CAMKK2: variants seen among roughly 807,000 people sequenced by gnomAD.
The protein encoded by CAMKK2 is calcium/calmodulin dependent protein kinase kinase 2.
Under a neutral mutation model 67.2 loss-of-function variants are expected in CAMKK2, and 30 were observed. The ratio of observed to expected loss-of-function variants is 0.45; its 90% CI spans 0.33 to 0.61. The LOEUF (loss-of-function observed/expected upper bound fraction) is 0.61, where lower values mean the gene tolerates loss of function less well. Among genes scored for constraint, CAMKK2 ranks in the 20% least tolerant of loss-of-function variants. The pLI is 0.02. For missense variants in CAMKK2, 643 were observed against 802.0 expected (o/e 0.80, Z 2.39); for synonymous variants, 322 against 326.2 (o/e 0.99, Z 0.14).
Position 121,253,351 on chromosome 12 carries a change from G to C in CAMKK2, c.1029C>G (p.Leu343=), listed in dbSNP as rs781497110. 18 of 1,614,210 alleles carry C rather than the reference G, an allele frequency of 1.1e-5. No homozygotes were observed. In the South Asian group the frequency reaches 1.9e-4, roughly 17 times the overall value. ...VSNEFKGSDA[L]LSNTVGTPAF... ...CGGGCGTGCCCACGGTGTTGGAGAG[G>C]AGCGCGTCACTGCCCTTGAATTCAT... Residue 343 remains leucine, a synonymous_variant, in exon 10 of 17, where the codon CTC becomes CTG. Coordinates refer to ENST00000404169, the MANE Select transcript of CAMKK2 (RefSeq NM_001270485.2). This position sits in a 1 kb window ranked among gnomAD's most constrained non-coding sequence, Gnocchi z 5.0.
At chr12:121,248,968 C>T (rs1458051668) in intron 13 of CAMKK2, among the ~76,000 whole-genome samples, 1 of 152,240 alleles carries the variant, frequency 6.6e-6, no homozygotes, top group Admixed American at 6.5e-5. Flanking sequence ...ATTCTCCATC[C>T]GGCCCCGGGT....
chr12:121,279,117 T>C (rs555802729), intron 1 of CAMKK2, among the ~76,000 whole-genome samples: 32 of 152,242 alleles, frequency 2.1e-4, no homozygotes, highest in Non-Finnish European at 1.6e-4. Context: ...CACTGAGCCA[T>C]CCGCCCCCAG....
intron 16 of CAMKK2, among the ~76,000 whole-genome samples, chr12:121,241,887 C>T (rs564168337): frequency 2.6e-4 from 39 of 152,322 alleles, no homozygotes; most frequent in African/African-American, 8.7e-4. Flanking sequence ...GTCCAAGACC[C>T]CCAGTGCCTG....
intron 5 of CAMKK2, among the ~76,000 whole-genome samples, chr12:121,265,522 G>A (rs139754484): frequency 5.0e-4 from 76 of 152,262 alleles, no homozygotes; most frequent in African/African-American, 1.7e-3. Context: ...ACATTTGGGA[G>A]AAGAGTAGGT....
chr12:121,271,901 G>A (rs1043414226), intron 2 of CAMKK2, among the ~76,000 whole-genome samples: 1 of 151,870 alleles, frequency 6.6e-6, no homozygotes, highest in Non-Finnish European at 1.5e-5. Context: ...GTAGAGATGG[G>A]GTTTCTCCAT....
At position 121,281,613 on chromosome 12, in the gene CAMKK2, G is replaced by A. The variant is rs571199226; in HGVS notation, c.-59-7028C>T. 1.2e-3 allele frequency among the ~76,000 whole-genome samples: 189 copies of A among 152,310 alleles called. 1 individual carries two copies. Among genetic ancestry groups the A allele is most frequent in the African/African-American group, 4.4e-3 (182 of 41,574 alleles). On this transcript the variant is annotated intron_variant, in intron 1 of 16. Coordinates refer to ENST00000404169, the MANE Select transcript of CAMKK2 (RefSeq NM_001270485.2). ...CAAAACAGATGTGGTTTTTGCCCTC[G>A]AGGGGACTGACAGTCCAATGAGGGG...
chr12:121,240,321 C>T lies in CAMKK2; in HGVS notation c.*378G>A. The stretch of plus-strand genomic sequence containing the variant: ...GGCCTCAGACCGCCGGAGTTTTCTG[C>T]TCGCCTTTCCACAGTTGTCAAACCC... On this transcript the variant is annotated 3_prime_UTR_variant, in exon 17 of 17. Coordinates refer to ENST00000404169, the MANE Select transcript of CAMKK2 (RefSeq NM_001270485.2). The surrounding 1 kb of genome is among the most constrained non-coding windows in gnomAD (Gnocchi z 4.4). 1 of 1,017,616 alleles carries T rather than the reference C, an allele frequency of 9.8e-7. No homozygotes were observed. The highest frequency in any genetic ancestry group is 1.7e-5 in the South Asian group (1 of 59,872). The allele number at this position is 1,017,616 out of a possible 1,614,324, so 63.0% of individuals were successfully genotyped here.
intron 9 of CAMKK2, among the ~76,000 whole-genome samples, 183 bp downstream of exon 9, chr12:121,255,367 T>TTTATATATATATAA (rs1566060375): frequency 8.6e-5 from 2 of 23,218 alleles, no homozygotes; most frequent in Non-Finnish European, 1.5e-4. Flanking sequence ...TATATATAAT[T>TTTATATATATATAA]TTATATATAT....
At chr12:121,290,682 C>G (rs1476896806) in intron 1 of CAMKK2, among the ~76,000 whole-genome samples, 1 of 152,068 alleles carries the variant, frequency 6.6e-6, no homozygotes, top group Non-Finnish European at 1.5e-5. Flanking sequence ...TGAGTGAGAT[C>G]CCATCTCAAA....
chr12:121,254,772 A>T (rs1222551574), intron 9 of CAMKK2, among the ~76,000 whole-genome samples: 1 of 152,236 alleles, frequency 6.6e-6, no homozygotes, highest in Non-Finnish European at 1.5e-5. Flanking sequence ...CCATGGCCAT[A>T]GGGTGGCTCT....
intron 7 of CAMKK2, 151 bp downstream of exon 7, chr12:121,260,168 G>A: frequency 1.6e-6 from 1 of 632,820 alleles, no homozygotes; most frequent in South Asian, 2.1e-5. Flanking sequence ...TCCCAACCAG[G>A]GGTGTGGCCT....
At chr12:121,292,911 G>C (rs1055235263) in intron 1 of CAMKK2, among the ~76,000 whole-genome samples, 1 of 151,848 alleles carries the variant, frequency 6.6e-6, no homozygotes, top group Non-Finnish European at 1.5e-5. Context: ...GGAGACTACA[G>C]TGAGCTATGA....
At chr12:121,273,224 G>A (rs1043701469) in intron 2 of CAMKK2, among the ~76,000 whole-genome samples, 1 of 152,092 alleles carries the variant, frequency 6.6e-6, no homozygotes, top group Non-Finnish European at 1.5e-5. Flanking sequence ...TACTGGAGTT[G>A]AGACTTGGAC....
At chr12:121,268,295 G>C (rs375463387) in intron 5 of CAMKK2, among the ~76,000 whole-genome samples, 1 of 151,864 alleles carries the variant, frequency 6.6e-6, no homozygotes, top group Non-Finnish European at 1.5e-5. Context: ...TGAAATTACT[G>C]AGTCATACGG....
chr12:121,246,092 T>G (rs1593273632), intron 14 of CAMKK2, among the ~76,000 whole-genome samples: 1 of 150,540 alleles, frequency 6.6e-6, no homozygotes, highest in African/African-American at 2.5e-5. Flanking sequence ...TGGGGGGAGG[T>G]GAATGGAGAG....
At chr12:121,249,929 A>G (rs771343484) in intron 12 of CAMKK2, 32 bp downstream of exon 12, 1 of 1,613,264 alleles carries the variant, frequency 6.2e-7, no homozygotes, top group Admixed American at 1.7e-5. Context: ...GAACTCGGAC[A>G]GGAGAGATGC....
chr12:121,283,517 C>A (rs553300205), intron 1 of CAMKK2, among the ~76,000 whole-genome samples: 4 of 152,106 alleles, frequency 2.6e-5, no homozygotes, highest in Non-Finnish European at 5.9e-5. Context: ...TGGCCTTACA[C>A]CAGGTTCAAA....
In CAMKK2 at chr12:121,240,319, T is replaced by C; in HGVS notation, c.*380A>G. The C allele has an allele frequency of 1.0e-6, 1 of 991,240 alleles. No individual in the cohort carries two copies. Among genetic ancestry groups the C allele is most frequent in the African/African-American group, 1.6e-5 (1 of 61,272 alleles). The allele number at this position is 991,240 out of a possible 1,614,324, so 61.4% of individuals were successfully genotyped here. Reference sequence around the variant, plus strand: ...ATGGCCTCAGACCGCCGGAGTTTTCTGCTCGCCTTTCCACAGTTGTCAAAC... The same window carrying C: ...ATGGCCTCAGACCGCCGGAGTTTTCCGCTCGCCTTTCCACAGTTGTCAAAC... On this transcript the variant is annotated 3_prime_UTR_variant, in exon 17 of 17. Coordinates refer to ENST00000404169, the MANE Select transcript of CAMKK2 (RefSeq NM_001270485.2). This position sits in a 1 kb window ranked among gnomAD's most constrained non-coding sequence, Gnocchi z 4.4.
intron 1 of CAMKK2, among the ~76,000 whole-genome samples, chr12:121,275,489 C>CAAAAAA (rs10669562): frequency 2.0e-4 from 13 of 63,952 alleles, no homozygotes; most frequent in African/African-American, 6.7e-4. Context: ...AAGACTGTCT[C>CAAAAAA]AAAAAAAAAA....
Sources: gnomAD v4.1 joint callset for allele counts (sites outside exome capture counted in the v4.1 genomes callset) on GRCh38, gnomAD v4.1.1 for gene constraint, Gnocchi (gnomAD v3.1) non-coding constraint, MANE v1.5 for transcripts, NCBI Gene and HGNC (gene_info 2026-07-23, HGNC 2026-07-21) for gene names.